INPP4B: variants seen among roughly 807,000 people sequenced by gnomAD.
The protein encoded by INPP4B is inositol polyphosphate-4-phosphatase type II B.
In INPP4B, 55 loss-of-function variants were observed where a neutral mutation model predicts 122.5. The ratio of observed to expected loss-of-function variants is 0.45; its 90% confidence interval spans 0.36 to 0.56. The LOEUF is 0.56. Ranked by LOEUF, INPP4B falls within the 20% of genes least tolerant of loss-of-function variation. INPP4B has a pLI of 0.00. For synonymous variants in INPP4B, 403 were observed against 388.7 expected (o/e 1.04, Z -0.43); for missense variants, 1,000 against 1,097.7 (o/e 0.91, Z 1.26).
At chr4:142,543,466 G>A (rs2217016) in intron 2 of INPP4B, among the ~76,000 whole-genome samples, 38,854 of 151,982 alleles carry the variant, frequency 0.26, 6,053 homozygotes, top group East Asian at 0.79. Context: ...AAAATGAAAC[G>A]AAACTTTACT....
At chr4:142,578,212 C>T (rs146394573) in intron 2 of INPP4B, among the ~76,000 whole-genome samples, 6 of 152,116 alleles carry the variant, frequency 3.9e-5, no homozygotes, top group Admixed American at 6.6e-5. Flanking sequence ...TTCATCTCAT[C>T]TTCATCACAG....
intron 2 of INPP4B, among the ~76,000 whole-genome samples, chr4:142,702,519 G>A (rs959289995): frequency 2.0e-5 from 3 of 152,094 alleles, no homozygotes; most frequent in Non-Finnish European, 4.4e-5. Flanking sequence ...GAGGTTGGGA[G>A]TTCGAGACCA....
At chr4:142,196,076 T>C (rs1838092435) in intron 14 of INPP4B, among the ~76,000 whole-genome samples, 1 of 152,228 alleles carries the variant, frequency 6.6e-6, no homozygotes, top group African/African-American at 2.4e-5. Flanking sequence ...AAGCATGTTG[T>C]TTGAATAGTC....
intron 2 of INPP4B, among the ~76,000 whole-genome samples, chr4:142,479,237 G>GA (rs1438996178): frequency 6.6e-6 from 1 of 152,102 alleles, no homozygotes; most frequent in Non-Finnish European, 1.5e-5. Context: ...TTAATTGTTA[G>GA]AAAAATGCAA....
chr4:142,622,401 T>C lies in INPP4B; in HGVS notation c.-191+103438A>G, dbSNP rs1361195528. Reference sequence around the variant, plus strand: ...AAGATGCCCAGGTGCTCCCAACATCTCAGTGTGCATGTCATACTTGCTTGT... The same window carrying C: ...AAGATGCCCAGGTGCTCCCAACATCCCAGTGTGCATGTCATACTTGCTTGT... On this transcript the variant is annotated intron_variant, in intron 2 of 25. Transcript: ENST00000262992. Among the ~76,000 whole-genome samples, 5 of 151,368 alleles carry C rather than the reference T, an allele frequency of 3.3e-5. No homozygotes were observed. The Admixed American group carries it at 3.3e-4, about 10-fold the overall frequency.
chr4:142,364,615 C>T (rs1786719092), intron 7 of INPP4B, among the ~76,000 whole-genome samples: 1 of 152,068 alleles, frequency 6.6e-6, no homozygotes, highest in Non-Finnish European at 1.5e-5. Context: ...ACTTCCAGTA[C>T]TTGGTTCTCA....
At chr4:142,227,948 A>G (rs1375692499) in intron 12 of INPP4B, among the ~76,000 whole-genome samples, 1 of 151,662 alleles carries the variant, frequency 6.6e-6, no homozygotes, top group Non-Finnish European at 1.5e-5. Context: ...TAAAAATTTT[A>G]AACCAAGGGT....
chr4:142,096,958 C>G (rs1434962982), intron 23 of INPP4B, among the ~76,000 whole-genome samples: 1 of 151,980 alleles, frequency 6.6e-6, no homozygotes, highest in Non-Finnish European at 1.5e-5. Context: ...TCCCTCATAG[C>G]AAATGATGGG....
intron 3 of INPP4B, among the ~76,000 whole-genome samples, chr4:142,459,365 T>C (rs1314295797): frequency 6.6e-6 from 1 of 151,650 alleles, no homozygotes; most frequent in East Asian, 1.9e-4. Flanking sequence ...GAGGCAATTA[T>C]TTTTATAAGA....
intron 2 of INPP4B, among the ~76,000 whole-genome samples, chr4:142,489,550 C>G (rs112717804): frequency 1.3e-4 from 20 of 152,136 alleles, no homozygotes; most frequent in African/African-American, 4.8e-4. Flanking sequence ...TGTGCCACTA[C>G]GCTCTGCTAA....
intron 2 of INPP4B, among the ~76,000 whole-genome samples, chr4:142,635,874 A>G (rs972377684): frequency 1.3e-5 from 2 of 152,184 alleles, no homozygotes; most frequent in Non-Finnish European, 2.9e-5. Flanking sequence ...GTCTAAAAAA[A>G]TTAATAAGTT....
chr4:142,835,386 A>C (rs2151194852), intron 1 of INPP4B, among the ~76,000 whole-genome samples: 1 of 152,284 alleles, frequency 6.6e-6, no homozygotes, highest in Non-Finnish European at 1.5e-5. Context: ...TTAATAAGTA[A>C]ATTTGTTCGT....
At chr4:142,717,999 A>C (rs982686674) in intron 2 of INPP4B, among the ~76,000 whole-genome samples, 1 of 152,114 alleles carries the variant, frequency 6.6e-6, no homozygotes, top group Non-Finnish European at 1.5e-5. Context: ...AAAAAGTTAA[A>C]TTCTAGGTAG....
At chr4:142,274,965 GA>G (rs1482221856) in intron 9 of INPP4B, among the ~76,000 whole-genome samples, 2 of 151,382 alleles carry the variant, frequency 1.3e-5, no homozygotes, top group African/African-American at 4.8e-5. Context: ...AGATATAGAA[GA>G]CAAAGATCGG....
Position 142,152,066 on chromosome 4 carries a change from CTTTTTTTTTTTTTTT to C in INPP4B, c.1564-6085_1564-6071del, listed in dbSNP as rs572092121. 9.9e-3 allele frequency among the ~76,000 whole-genome samples: 696 copies of C among 69,966 alleles called. 31 individuals carry two copies. The highest frequency in any genetic ancestry group is 0.036 in the African/African-American group (657 of 18,016). The allele number at this position is 69,966 out of a possible 152,430, so 45.9% of individuals were successfully genotyped here. On this transcript the variant is annotated intron_variant, in intron 17 of 25. Coordinates refer to ENST00000262992, the MANE Select transcript of INPP4B (RefSeq NM_001101669.3). Reference sequence around the variant, plus strand: ...TGCCTAACATGCTTTTTTGTCTTTTCTTTTTTTTTTTTTTTTTTTTTTTTTTTGACGGAGTCTCGC... The same window carrying C: ...TGCCTAACATGCTTTTTTGTCTTTTCTTTTTTTTTTTTGACGGAGTCTCGC...
chr4:142,656,797 T>C (rs906791062), intron 2 of INPP4B, among the ~76,000 whole-genome samples: 4 of 152,214 alleles, frequency 2.6e-5, no homozygotes, highest in Non-Finnish European at 5.9e-5. Context: ...CTTAAAGATT[T>C]TTTTTTCCTT....
chr4:142,675,456 T>C (rs910537382), intron 2 of INPP4B, among the ~76,000 whole-genome samples: 11 of 152,152 alleles, frequency 7.2e-5, no homozygotes, highest in South Asian at 2.1e-4. Flanking sequence ...CTGAAACTAT[T>C]CCAAACAACA....
At chr4:142,703,078 C>A (rs1172257288) in intron 2 of INPP4B, among the ~76,000 whole-genome samples, 1 of 152,112 alleles carries the variant, frequency 6.6e-6, no homozygotes, top group Non-Finnish European at 1.5e-5. Flanking sequence ...CAAAGGAAGA[C>A]AATATGTAAT....
chr4:142,709,291 T>C (rs957880993), intron 2 of INPP4B, among the ~76,000 whole-genome samples: 2 of 152,176 alleles, frequency 1.3e-5, no homozygotes, highest in Non-Finnish European at 2.9e-5. Context: ...TGAGGACTTT[T>C]GAGTTAATGA....
Sources: gnomAD v4.1 joint callset for allele counts (sites outside exome capture counted in the v4.1 genomes callset) on GRCh38, gnomAD v4.1.1 for gene constraint, MANE v1.5 for transcripts, NCBI Gene and HGNC (gene_info 2026-07-23, HGNC 2026-07-21) for gene names.